CLIC1: variants seen among roughly 807,000 people sequenced by gnomAD.
CLIC1 encodes CLIC family member 1, also known as chloride intracellular channel protein 1.
CLIC1 carries 16 observed loss-of-function variants against 26.4 expected under a neutral mutation model. The observed-to-expected ratio is 0.61, with a 90% confidence interval of 0.41 to 0.92. The LOEUF (loss-of-function observed/expected upper bound fraction) is 0.92. CLIC1 is among the 40% of genes least tolerant of loss of function. CLIC1 has a pLI of 0.00. For synonymous variants in CLIC1, 98 were observed against 120.8 expected (o/e 0.81, Z 1.24); for missense variants, 225 against 289.7 (o/e 0.78, Z 1.62).
chr6:31,730,732 G>A lies in CLIC1; in HGVS notation c.*110C>T, dbSNP rs1446024681. 3 of 1,168,144 alleles carry A rather than the reference G, an allele frequency of 2.6e-6. No homozygotes were observed. The highest frequency in any genetic ancestry group is 3.7e-6 in the Non-Finnish European group (3 of 806,496). 72.4% of individuals were successfully genotyped at this position (1,168,144 alleles called of 1,614,324 possible). ...CACCATCCCGGAACAAGTGCTCCAGGATTCCCTGCCCACTGGCCATTTTGG... is the reference window on the plus strand; with the variant it reads ...CACCATCCCGGAACAAGTGCTCCAGAATTCCCTGCCCACTGGCCATTTTGG... On this transcript the variant is annotated 3_prime_UTR_variant, in exon 6 of 6. Coordinates refer to ENST00000375784, the Ensembl canonical transcript of CLIC1. The surrounding 1 kb of genome is among the most constrained non-coding windows in gnomAD (Gnocchi z 5.1).
chr6:31,736,655 G>A, upstream of CLIC1: 1 of 1,129,412 alleles, frequency 8.9e-7, no homozygotes, highest in Non-Finnish European at 1.1e-6. The surrounding 1 kb of genome is among the most constrained non-coding windows in gnomAD (Gnocchi z 5.0). Context: ...GATGGGGATG[G>A]GGGTGTTAAG....
upstream of CLIC1, chr6:31,736,618 G>A: frequency 1.6e-6 from 2 of 1,248,346 alleles, no homozygotes; most frequent in Non-Finnish European, 2.0e-6. This position sits in a 1 kb window ranked among gnomAD's most constrained non-coding sequence, Gnocchi z 5.0. Flanking sequence ...AGTGAGTCCG[G>A]AAGGGGAATC....
rs921398981 is a variant in CLIC1, at chr6:31,732,466, G to C, written c.383-68C>G. On this transcript the variant is annotated intron_variant, in intron 4 of 5. Coordinates refer to ENST00000375784, the Ensembl canonical transcript of CLIC1. The surrounding 1 kb of genome is among the most constrained non-coding windows in gnomAD (Gnocchi z 5.0). Reference sequence around the variant, plus strand: ...GACATAGTCCGAAAAGGCCCGTTGGGGGTGGATACTAATGGTGAGTCCAAA... The same window carrying C: ...GACATAGTCCGAAAAGGCCCGTTGGCGGTGGATACTAATGGTGAGTCCAAA... The C allele has an allele frequency of 9.2e-6, 11 of 1,192,896 alleles. No homozygotes were observed. The highest frequency in any genetic ancestry group is 1.2e-5 in the Non-Finnish European group (11 of 893,028). The allele number at this position is 1,192,896 out of a possible 1,614,324, so 73.9% of individuals were successfully genotyped here.
In CLIC1 at chr6:31,733,539, C is replaced by T. The variant is rs754146214; in HGVS notation, c.382+27G>A. 88 of 1,571,710 alleles carry T rather than the reference C, an allele frequency of 5.6e-5. 1 individual carries two copies. Among genetic ancestry groups the T allele is most frequent in the Non-Finnish European group, 7.3e-5 (84 of 1,143,766 alleles). ...TGGGTCCTCTCTATTCCTCCCAGGA[C>T]CCAGGCCTCTGACCCACAAGACTCA... On this transcript the variant is annotated intron_variant, in intron 4 of 5. Transcript: ENST00000375784. This position sits in a 1 kb window ranked among gnomAD's most constrained non-coding sequence, Gnocchi z 5.4.
chr6:31,736,555 C>T lies in CLIC1; in HGVS notation c.-255G>A. 7.4e-7 allele frequency: 1 copy of T among 1,349,672 alleles called. No individual in the cohort carries two copies. The highest frequency in any genetic ancestry group is 9.5e-7 in the Non-Finnish European group (1 of 1,049,444). 83.6% of individuals were successfully genotyped at this position (1,349,672 alleles called of 1,614,324 possible). ...GAGCCGCTGACTCACCGACCGGCCC[C>T]GCCCTGAACCTGGGGAGGGGACTGG... On this transcript the variant is annotated 5_prime_UTR_variant, in exon 1 of 6. Coordinates refer to ENST00000375784, the Ensembl canonical transcript of CLIC1. The surrounding 1 kb of genome is among the most constrained non-coding windows in gnomAD (Gnocchi z 5.0).
Position 31,733,740 on chromosome 6 carries a change from C to T in CLIC1, c.276-68G>A. ...AGGAACCTCAGCTAGCTCTCCTGCC[C>T]CAGCCCCACCACCATCTCTGTTTTC... On this transcript the variant is annotated intron_variant, in intron 3 of 5. Coordinates refer to ENST00000375784, the Ensembl canonical transcript of CLIC1. This position sits in a 1 kb window ranked among gnomAD's most constrained non-coding sequence, Gnocchi z 5.4. The T allele has an allele frequency of 1.2e-6, 2 of 1,603,628 alleles. No homozygotes were observed. The highest frequency in any genetic ancestry group is 1.1e-5 in the South Asian group (1 of 90,914).
intron 5 of CLIC1, 46 bp from the exon 6 acceptor site, chr6:31,731,049 A>C: frequency 1.3e-6 from 2 of 1,583,886 alleles, no homozygotes; most frequent in Non-Finnish European, 1.7e-6. Context: ...GACCCAGGGA[A>C]GCCACCTTGG....
chr6:31,731,370 TG>T (rs1807930639), intron 5 of CLIC1, among the ~76,000 whole-genome samples: 1 of 151,972 alleles, frequency 6.6e-6, no homozygotes, highest in South Asian at 2.1e-4. Context: ...GGCGCGATCT[TG>T]GCTCACTGCA....
In CLIC1 at chr6:31,736,472, GC is replaced by G; in HGVS notation, c.-173del. On this transcript the variant is annotated 5_prime_UTR_variant, in exon 1 of 6. Transcript: ENST00000375784. This position sits in a 1 kb window ranked among gnomAD's most constrained non-coding sequence, Gnocchi z 5.0. ...GCACCCAAACTAGGCCTCCCCACCA[GC>G]CCAACGCACCCCACACCCAGCTCCT... 7.1e-7 allele frequency: 1 copy of G among 1,418,158 alleles called. No homozygotes were observed. The allele number at this position is 1,418,158 out of a possible 1,614,324, so 87.8% of individuals were successfully genotyped here. A position where few individuals can be genotyped will look rare whatever the true frequency, so the allele number is the denominator to read the frequency against.
At chr6:31,735,373 G>A (rs1808259101) in intron 1 of CLIC1, among the ~76,000 whole-genome samples, 1 of 151,388 alleles carries the variant, frequency 6.6e-6, no homozygotes, top group African/African-American at 2.4e-5. Flanking sequence ...GGTAGGGAGG[G>A]GAGCGGCCGC....
In CLIC1 at chr6:31,733,608, A is replaced by T; in HGVS notation, c.340T>A (p.Phe114Ile). 1.2e-6 allele frequency: 2 copies of T among 1,613,034 alleles called. No homozygotes were observed. The highest frequency in any genetic ancestry group is 1.7e-6 in the Non-Finnish European group (2 of 1,180,028). Residue 114 changes from phenylalanine (F) to isoleucine (I), a missense_variant, in exon 4 of 6, where the codon TTT (phenylalanine) becomes ATT (isoleucine). By Grantham distance (21) the Phe-to-Ile change is conservative. Transcript: ENST00000375784. The surrounding 1 kb of genome is among the most constrained non-coding windows in gnomAD (Gnocchi z 5.4). ...TTTGAATTCTTGATGTAGGCAGAAA[A>T]TTTGGCAAATATGTCCAGCCCAGCT...
intron 5 of CLIC1, 47 bp from the exon 6 acceptor site, chr6:31,731,050 G>A: frequency 6.4e-7 from 1 of 1,574,374 alleles, no homozygotes; most frequent in African/African-American, 1.3e-5. Context: ...ACCCAGGGAA[G>A]CCACCTTGGC....
At position 31,736,281 on chromosome 6, in the gene CLIC1, T is replaced by G; in HGVS notation, c.20A>C (p.Gln7Pro). ...TCTTACCTTCACGAACAATTCGACC[T>G]GCGGTTGTTCTTCAGCCATGGTTGC... The change falls in exon 1 of 6, where the codon CAG becomes CCG. Residue 7 changes from glutamine (Q) to proline (P), a missense_variant. Physicochemically the swap from Gln to Pro is moderately conservative, Grantham distance 76 (BLOSUM62 -1). Transcript: ENST00000375784. The surrounding 1 kb of genome is among the most constrained non-coding windows in gnomAD (Gnocchi z 5.0). 4 of 1,612,524 alleles carry G rather than the reference T, an allele frequency of 2.5e-6. No homozygotes were observed. The highest frequency in any genetic ancestry group is 3.4e-6 in the Non-Finnish European group (4 of 1,179,796).
At chr6:31,731,086 A>G (rs1486085236) in intron 5 of CLIC1, 83 bp from the exon 6 acceptor site, 1 of 1,246,080 alleles carries the variant, frequency 8.0e-7, no homozygotes, top group African/African-American at 1.5e-5. Flanking sequence ...GGCCGACATG[A>G]TAAAACCAGC....
chr6:31,736,509 C>T lies in CLIC1; in HGVS notation c.-209G>A. On this transcript the variant is annotated 5_prime_UTR_variant, in exon 1 of 6. Coordinates refer to ENST00000375784, the Ensembl canonical transcript of CLIC1. This position sits in a 1 kb window ranked among gnomAD's most constrained non-coding sequence, Gnocchi z 5.0. ...CCACACCCAGCTCCTCCAGCTCGGTCCTCTCCCGGGCTGGATCAGAGAGCC... is the reference window on the plus strand; with the variant it reads ...CCACACCCAGCTCCTCCAGCTCGGTTCTCTCCCGGGCTGGATCAGAGAGCC... 1 of 1,395,142 alleles carries T rather than the reference C, an allele frequency of 7.2e-7. No homozygotes were observed. The highest frequency in any genetic ancestry group is 2.7e-4 in the Middle Eastern group (1 of 3,734). The allele number at this position is 1,395,142 out of a possible 1,614,324, so 86.4% of individuals were successfully genotyped here.
rs540469298 is a variant in CLIC1, at chr6:31,735,596, T to C, written c.39+666A>G. Among the ~76,000 whole-genome samples the C allele has an allele frequency of 3.9e-5, 6 of 152,164 alleles. No homozygotes were observed. The South Asian group carries it at 6.2e-4, about 16-fold the overall frequency. On this transcript the variant is annotated intron_variant, in intron 1 of 5. Coordinates refer to ENST00000375784, the Ensembl canonical transcript of CLIC1. ...CTCTCCCACCCATCCTTGTGGTAGC[T>C]ACGTTAAACTCACGTCTTCTTGCCA...
At chr6:31,731,615 A>G (rs770032633) in intron 5 of CLIC1, among the ~76,000 whole-genome samples, 23 of 152,236 alleles carry the variant, frequency 1.5e-4, no homozygotes, top group Non-Finnish European at 4.4e-5. Flanking sequence ...CTGACTTTTC[A>G]TCATATATTC....
chr6:31,731,565 G>C (rs1000265313), intron 5 of CLIC1, among the ~76,000 whole-genome samples: 2 of 152,242 alleles, frequency 1.3e-5, no homozygotes, highest in Non-Finnish European at 2.9e-5. Context: ...GCCGCCCAAA[G>C]TGTTGGGATT....
intron 1 of CLIC1, among the ~76,000 whole-genome samples, chr6:31,735,977 C>T (rs1025427655): frequency 3.9e-5 from 6 of 152,144 alleles, no homozygotes; most frequent in African/African-American, 1.4e-4. Flanking sequence ...TCTAACCCCA[C>T]CCCAGTCTCA....
Sources: gnomAD v4.1 joint callset for allele counts (sites outside exome capture counted in the v4.1 genomes callset) on GRCh38, gnomAD v4.1.1 for gene constraint, Gnocchi (gnomAD v3.1) non-coding constraint, MANE v1.5 for transcripts, NCBI Gene and HGNC (gene_info 2026-07-23, HGNC 2026-07-21) for gene names.